The following STPG2 variants were observed in gnomAD, a reference collection of about 807,000 sequenced individuals.
STPG2 encodes the protein sperm tail PG-rich repeat containing 2.
A neutral mutation model predicts 54.2 loss-of-function variants in STPG2; 56 were observed. That is an observed-to-expected ratio of 1.03 (90% CI 0.83 to 1.29). The LOEUF is 1.29. Ranked by LOEUF, STPG2 falls within the 50% of genes most tolerant of loss-of-function variation. STPG2 has a pLI of 0.00. For missense variants in STPG2, 596 were observed against 544.9 expected (o/e 1.09, Z -0.93); for synonymous variants, 200 against 181.8 (o/e 1.10, Z -0.81).
At chr4:98,054,249 T>A (rs1737415581) in intron 5 of STPG2, among the ~76,000 whole-genome samples, 1 of 152,120 alleles carries the variant, frequency 6.6e-6, no homozygotes, top group South Asian at 2.1e-4. Context: ...TCACAACGCA[T>A]AACCCCATGC....
intron 9 of STPG2, among the ~76,000 whole-genome samples, chr4:97,741,408 C>G (rs1725228823): frequency 1.3e-5 from 2 of 152,084 alleles, no homozygotes; most frequent in South Asian, 2.1e-4. Context: ...AAAGAAACTA[C>G]CATCAGAGTG....
chr4:97,588,878 T>C (rs1442865263), intron 10 of STPG2, among the ~76,000 whole-genome samples: 1 of 152,148 alleles, frequency 6.6e-6, no homozygotes, highest in African/African-American at 2.4e-5. Flanking sequence ...GCATTTTCTA[T>C]GCTACCTACT....
At chr4:97,879,246 G>A (rs1159185281) in intron 8 of STPG2, among the ~76,000 whole-genome samples, 2 of 152,104 alleles carry the variant, frequency 1.3e-5, no homozygotes, top group Non-Finnish European at 2.9e-5. Flanking sequence ...TCCAACCTCT[G>A]CCTGTTACCC....
At position 98,139,904 on chromosome 4, in the gene STPG2, T is replaced by C. The variant is rs559559374; in HGVS notation, c.109+3138A>G. Among the ~76,000 whole-genome samples, 3 of 152,368 alleles carry C rather than the reference T, an allele frequency of 2.0e-5. No individual in the cohort carries two copies. In the South Asian group the frequency reaches 6.2e-4, roughly 32 times the overall value. ...AGATTACTGTTTGTTTTTGAACTTA[T>C]GTGTTATGGTATTCACCTAAAAACT... On this transcript the variant is annotated intron_variant, in intron 1 of 10. Transcript: ENST00000295268.
At chr4:97,833,502 A>T (rs1270401045) in intron 9 of STPG2, among the ~76,000 whole-genome samples, 1 of 152,224 alleles carries the variant, frequency 6.6e-6, no homozygotes, top group African/African-American at 2.4e-5. Flanking sequence ...CAGAATTGAC[A>T]AATGGGATCT....
At chr4:97,904,514 C>A in intron 8 of STPG2, among the ~76,000 whole-genome samples, 1 of 152,182 alleles carries the variant, frequency 6.6e-6, no homozygotes, top group Non-Finnish European at 1.5e-5. Context: ...AAAAACAGAA[C>A]AGAAAAACTG....
intron 8 of STPG2, among the ~76,000 whole-genome samples, chr4:97,938,267 C>T (rs1325382850): frequency 1.3e-5 from 2 of 152,216 alleles, no homozygotes; most frequent in Admixed American, 6.5e-5. Flanking sequence ...CTGCCTGGAG[C>T]TATAGCGATG....
chr4:97,650,864 T>G (rs1722045788), intron 10 of STPG2, among the ~76,000 whole-genome samples: 1 of 152,100 alleles, frequency 6.6e-6, no homozygotes, highest in Non-Finnish European at 1.5e-5. Context: ...AATATTTTGA[T>G]TTTCTTCTTT....
At chr4:97,529,937 A>C (rs1302236057) in intron 4 of STPG2, among the ~76,000 whole-genome samples, 1 of 152,090 alleles carries the variant, frequency 6.6e-6, no homozygotes. Flanking sequence ...ATATTTATTT[A>C]TACTAATTTT....
chr4:98,016,915 C>G (rs1039755738), intron 5 of STPG2, among the ~76,000 whole-genome samples: 3 of 152,152 alleles, frequency 2.0e-5, no homozygotes, highest in South Asian at 2.1e-4. Flanking sequence ...CAGGGAACAT[C>G]CATCATTACT....
chr4:97,943,901 T>A lies in STPG2; in HGVS notation c.1040A>T (p.Asp347Val). Residue 347 changes from aspartate (D) to valine (V), a missense_variant, in exon 8 of 11, where the codon GAT (aspartate) becomes GTT (valine). Coordinates refer to ENST00000295268, the MANE Select transcript of STPG2 (RefSeq NM_174952.3). Reference protein sequence around the residue: ...SRAKRTMKVPDMVIPAPGSYD... With the variant: ...SRAKRTMKVPVMVIPAPGSYD... The stretch of plus-strand genomic sequence containing the variant: ...TGATTGTAGGAGTATTCTTACCATA[T>A]CTGGTACTTTCATAGTTCTTTTGGC... 3 of 1,565,930 alleles carry A rather than the reference T, an allele frequency of 1.9e-6. 1 individual carries two copies. The South Asian group carries it at 3.6e-5, about 19-fold the overall frequency.
chr4:97,848,550 A>G (rs1293457799), intron 8 of STPG2, among the ~76,000 whole-genome samples: 1 of 152,126 alleles, frequency 6.6e-6, no homozygotes, highest in African/African-American at 2.4e-5. Context: ...CATCGTATTT[A>G]GGTTGTGACC....
intron 3 of STPG2, among the ~76,000 whole-genome samples, chr4:98,120,792 A>G (rs1388477420): frequency 6.6e-6 from 1 of 152,026 alleles, no homozygotes; most frequent in East Asian, 1.9e-4. Context: ...TTCCCTATAG[A>G]CTTTGGATAT....
chr4:97,535,144 A>C (rs146484969), intron 4 of STPG2, among the ~76,000 whole-genome samples: 1 of 152,204 alleles, frequency 6.6e-6, no homozygotes, highest in Non-Finnish European at 1.5e-5. Flanking sequence ...TTGGGCAAAT[A>C]CTTAGGATGG....
intron 7 of STPG2, among the ~76,000 whole-genome samples, chr4:97,963,157 T>A (rs568274596): frequency 7.7e-6 from 1 of 129,106 alleles, no homozygotes; most frequent in South Asian, 2.5e-4. Context: ...ACACTCCATC[T>A]CAAAAACAAA....
intron 1 of STPG2, among the ~76,000 whole-genome samples, 182 bp from the exon 2 acceptor site, chr4:98,134,641 A>G (rs920045303): frequency 2.0e-5 from 3 of 151,204 alleles, no homozygotes; most frequent in African/African-American, 7.3e-5. Context: ...ATTTTTATTA[A>G]TATATTAAAT....
chr4:97,852,029 T>C (rs1325070387), intron 8 of STPG2, among the ~76,000 whole-genome samples: 3 of 152,174 alleles, frequency 2.0e-5, no homozygotes, highest in Non-Finnish European at 4.4e-5. Flanking sequence ...TTTTGCAATG[T>C]TGAATGTAAA....
At chr4:97,956,631 C>T (rs1486345085) in intron 7 of STPG2, among the ~76,000 whole-genome samples, 1 of 152,148 alleles carries the variant, frequency 6.6e-6, no homozygotes, top group East Asian at 1.9e-4. Context: ...ACATATGGTT[C>T]ACATCACAGA....
At chr4:97,569,681 G>C (rs1270191194) in intron 10 of STPG2, among the ~76,000 whole-genome samples, 1 of 152,122 alleles carries the variant, frequency 6.6e-6, no homozygotes. Flanking sequence ...ATTGAAATTA[G>C]TGGCAGGGTT....
Sources: gnomAD v4.1 joint callset for allele counts (sites outside exome capture counted in the v4.1 genomes callset) on GRCh38, gnomAD v4.1.1 for gene constraint, MANE v1.5 for transcripts, NCBI Gene and HGNC (gene_info 2026-07-23, HGNC 2026-07-21) for gene names.